Variants in CASK observed in about 807,000 individuals in gnomAD.
The protein encoded by CASK is peripheral plasma membrane protein CASK.
A neutral mutation model predicts 82.9 loss-of-function variants in CASK; 4 were observed. The observed-to-expected ratio is 0.05, with a 90% CI of 0.02 to 0.11. CASK has a LOEUF of 0.11. Among genes scored for constraint, CASK ranks in the 10% least tolerant of loss-of-function variants. The probability of loss-of-function intolerance (pLI) is 1.00; values close to 1 mark genes in which losing one functional copy is unlikely to be tolerated. For missense variants in CASK, 358 were observed against 720.9 expected (o/e 0.50, Z 5.76); for synonymous variants, 259 against 253.5 (o/e 1.02, Z -0.20).
At chrX:41,533,014 T>A (rs1302341470) in intron 24 of CASK, among the ~76,000 whole-genome samples, 2 of 111,298 alleles carry the variant, frequency 1.8e-5, no homozygotes, top group Non-Finnish European at 3.8e-5. Context: ...TTTCACCACA[T>A]TGGCCAGGCT....
At chrX:41,841,514 T>G (rs1321079843) in intron 2 of CASK, among the ~76,000 whole-genome samples, 2 of 105,411 alleles carry the variant, frequency 1.9e-5, no homozygotes, top group Non-Finnish European at 2.0e-5. Context: ...CCTTTTTGTT[T>G]TTTTTTTTTT....
intron 8 of CASK, among the ~76,000 whole-genome samples, chrX:41,645,431 TG>T (rs768563623): frequency 2.9e-4 from 32 of 111,390 alleles, no homozygotes; most frequent in African/African-American, 1.0e-3. Flanking sequence ...AGGATATGCT[TG>T]TGTTTCACCA....
chrX:41,919,654 T>C (rs1290556920), intron 1 of CASK, among the ~76,000 whole-genome samples: 2 of 112,321 alleles, frequency 1.8e-5, no homozygotes, highest in Non-Finnish European at 3.8e-5. Flanking sequence ...GTTTTGGGAC[T>C]ATGATAAGGT....
At chrX:41,527,233 GAGAGAGAGAC>G (rs1187574145) in intron 25 of CASK, among the ~76,000 whole-genome samples, 1 of 110,386 alleles carries the variant, frequency 9.1e-6, no homozygotes, top group Non-Finnish European at 1.9e-5. Flanking sequence ...GGGAGAGGCA[GAGAGAGAGAC>G]AGAGAGAGAG....
intron 4 of CASK, among the ~76,000 whole-genome samples, chrX:41,739,977 T>C (rs2068566433): frequency 8.9e-6 from 1 of 111,897 alleles, no homozygotes; most frequent in Non-Finnish European, 1.9e-5. Flanking sequence ...CATAATCAAG[T>C]TTTAGTTGGG....
chrX:41,898,071 C>A (rs933480111), intron 1 of CASK, among the ~76,000 whole-genome samples: 1 of 111,477 alleles, frequency 9.0e-6, no homozygotes, highest in Non-Finnish European at 1.9e-5. Flanking sequence ...ACAGGTTTGA[C>A]AGAATTTGCC....
chrX:41,577,821 A>G (rs1394893528), intron 15 of CASK, among the ~76,000 whole-genome samples: 1 of 111,852 alleles, frequency 8.9e-6, no homozygotes, highest in African/African-American at 3.2e-5. Flanking sequence ...CCAAGCACTG[A>G]GTAAATTGAT....
intron 5 of CASK, chrX:41,729,464 A>T (rs1232082354): frequency 1.6e-5 from 2 of 121,239 alleles, no homozygotes; most frequent in Non-Finnish European, 3.8e-5. Context: ...CATGCCTGTA[A>T]TCCCAGCACT....
chrX:41,531,372 T>C (rs1375571045), intron 24 of CASK, among the ~76,000 whole-genome samples, 163 bp from the exon 25 acceptor site: 1 of 111,989 alleles, frequency 8.9e-6, no homozygotes, highest in Non-Finnish European at 1.9e-5. Context: ...CAGAACTAAA[T>C]TCTAGAAACC....
chrX:41,736,701 T>C (rs183332506), intron 5 of CASK, among the ~76,000 whole-genome samples: 2 of 112,025 alleles, frequency 1.8e-5, no homozygotes, highest in African/African-American at 6.5e-5. Flanking sequence ...CTCTAAACTA[T>C]TTAGCATGTA....
At chrX:41,917,754 C>T (rs1199486827) in intron 1 of CASK, among the ~76,000 whole-genome samples, 1 of 111,870 alleles carries the variant, frequency 8.9e-6, no homozygotes, top group African/African-American at 3.3e-5. Context: ...AAAAAGCAGA[C>T]AGGAAGAGAC....
In CASK at chrX:41,586,945, T is replaced by C; in HGVS notation, c.1276A>G (p.Lys426Glu). ...TGTGTTAAAATACGCTTTAGTTCCT[T>C]TGCGTCGTTATTCTCAGGGTAACAT... ...ISCYPENNDAKELKRILTQPH... is the reference protein window; with the variant it reads ...ISCYPENNDAEELKRILTQPH... The change falls in exon 14 of 27, where the codon AAG becomes GAG. Residue 426 changes from lysine (K) to glutamate (E), a missense_variant. Around this residue, in one of 5 missense-constraint regions of CASK, gnomAD observed 110 missense variants for 218.8 expected, o/e 0.50. Coordinates refer to ENST00000378163, the MANE Select transcript of CASK (RefSeq NM_001367721.1). 8.4e-7 allele frequency: 1 copy of C among 1,184,769 alleles called. No homozygotes were observed. The highest frequency in any genetic ancestry group is 1.7e-5 in the African/African-American group (1 of 57,339).
chrX:41,842,337 G>A (rs760265188), intron 2 of CASK, among the ~76,000 whole-genome samples: 2 of 110,705 alleles, frequency 1.8e-5, no homozygotes, highest in South Asian at 3.9e-4. Context: ...CCTGGGAGGC[G>A]AGGTGGGCAG....
At chrX:41,766,230 G>A (rs779006566) in intron 3 of CASK, among the ~76,000 whole-genome samples, 59 of 111,593 alleles carry the variant, frequency 5.3e-4, no homozygotes, top group African/African-American at 1.6e-3. Context: ...TATACCCTTC[G>A]GATGAAAAGA....
intron 2 of CASK, among the ~76,000 whole-genome samples, chrX:41,813,312 G>A (rs2070341412): frequency 9.0e-6 from 1 of 111,198 alleles, no homozygotes; most frequent in Admixed American, 9.6e-5. Flanking sequence ...GAACAAAGCT[G>A]GAGGCATCAC....
intron 12 of CASK, chrX:41,590,136 C>G (rs2065721149): frequency 8.7e-6 from 1 of 114,460 alleles, no homozygotes; most frequent in East Asian, 2.7e-4. Flanking sequence ...GTGCTGGTAT[C>G]CTTCAGCAGG....
At chrX:41,758,815 A>G (rs2068944168) in intron 3 of CASK, among the ~76,000 whole-genome samples, 1 of 112,521 alleles carries the variant, frequency 8.9e-6, no homozygotes, top group South Asian at 3.7e-4. Context: ...GAGAAAGGGA[A>G]TATTCACTGT....
chrX:41,680,277 A>T (rs2147518956), intron 5 of CASK, among the ~76,000 whole-genome samples: 1 of 109,387 alleles, frequency 9.1e-6, no homozygotes, highest in African/African-American at 3.3e-5. Context: ...AGGTCAAGAG[A>T]TTGAGACCAT....
chrX:41,909,067 C>T (rs188025856), intron 1 of CASK, among the ~76,000 whole-genome samples: 11 of 112,142 alleles, frequency 9.8e-5, no homozygotes, highest in Admixed American at 5.7e-4. Context: ...CAATCTTTAG[C>T]GTGCCTCAGA....
Sources: allele counts gnomAD v4.1 joint callset (sites outside exome capture counted in the v4.1 genomes callset), GRCh38; gene constraint gnomAD v4.1.1; regional missense constraint gnomAD v4.1.1; transcripts MANE v1.5; gene names NCBI Gene and HGNC (gene_info 2026-07-23, HGNC 2026-07-21).